Variants in RHBDF2 observed in about 807,000 individuals in gnomAD.
RHBDF2 encodes the protein rhomboid 5 homolog 2.
In RHBDF2, 38 loss-of-function variants were observed where a neutral mutation model predicts 95.2. The ratio of observed to expected loss-of-function variants is 0.40; its 90% CI spans 0.31 to 0.52. The LOEUF (loss-of-function observed/expected upper bound fraction) is 0.52, where lower values mean the gene tolerates loss of function less well. RHBDF2 is among the 20% of genes least tolerant of loss of function. RHBDF2 has a pLI of 0.56. For missense variants in RHBDF2, 863 were observed against 1,137.7 expected (o/e 0.76, Z 3.47); for synonymous variants, 442 against 462.0 (o/e 0.96, Z 0.55).
chr17:76,474,001 C>A (rs371242236), intron 13 of RHBDF2, 32 bp downstream of exon 13: 1 of 1,602,354 alleles, frequency 6.2e-7, no homozygotes, highest in Non-Finnish European at 8.5e-7. Context: ...CTATGCCTGA[C>A]CCTGAGGCCC....
At chr17:76,489,126 G>A (rs60764842) in intron 1 of RHBDF2, among the ~76,000 whole-genome samples, 55,245 of 151,642 alleles carry the variant, frequency 0.36, 11,023 homozygotes, top group Middle Eastern at 0.49. Flanking sequence ...ACTCCGTCTC[G>A]AAACAAAACA....
At chr17:76,486,390 C>T (rs904040771) in intron 2 of RHBDF2, among the ~76,000 whole-genome samples, 2 of 152,094 alleles carry the variant, frequency 1.3e-5, no homozygotes, top group Non-Finnish European at 2.9e-5. Context: ...CAGGTGTGAG[C>T]CACTGTGCCC....
chr17:76,480,051 G>GTGTATATATATATATATATA (rs1363176782), intron 3 of RHBDF2, 197 bp from the exon 4 acceptor site: 5 of 39,884 alleles, frequency 1.3e-4, no homozygotes, highest in Admixed American at 4.7e-4. Context: ...GTTTGTATAT[G>GTGTATATATATATATATATA]TATATATATA....
At chr17:76,479,358 G>T in intron 4 of RHBDF2, 81 bp from the exon 5 acceptor site, 2 of 1,526,910 alleles carry the variant, frequency 1.3e-6, no homozygotes, top group Admixed American at 2.0e-5. Flanking sequence ...GTGATGGCAC[G>T]TGTGTGCCCG....
In RHBDF2 at chr17:76,479,757, G is replaced by T. The variant is rs536930030; in HGVS notation, c.248C>A (p.Ala83Asp). 2 of 1,611,514 alleles carry T rather than the reference G, an allele frequency of 1.2e-6. No individual in the cohort carries two copies. The highest frequency in any genetic ancestry group is 3.3e-5 in the Admixed American group (2 of 59,968). Residue 83 changes from alanine (A) to aspartate (D), a missense_variant, in exon 4 of 19, where the codon GCC becomes GAC. Physicochemically the swap from Ala to Asp is moderately radical, Grantham distance 126 (BLOSUM62 -2). Around this residue, in one of 2 missense-constraint regions of RHBDF2, gnomAD observed 611 missense variants for 725.5 expected, o/e 0.84. Transcript: ENST00000675367. ...SEKRPGFRRQ[A>D]SLSQSIRKGA... ...CTTGCGGATGCTCTGGGACAGTGAG[G>T]CCTGGCGGCGGAAGCCAGGGCGCTT...
intron 2 of RHBDF2, among the ~76,000 whole-genome samples, chr17:76,482,738 A>G (rs6501898): frequency 0.94 from 142,399 of 151,928 alleles, 67,464 homozygotes; most frequent in East Asian, 1. Context: ...ATGCCACTGC[A>G]CTCCAGCCTG....
chr17:76,474,713 C>T lies in RHBDF2; in HGVS notation c.1302+17G>A. On this transcript the variant is annotated intron_variant, in intron 11 of 18. Transcript: ENST00000675367. ...GGACTCCTGGCTCAGATGATGTCCC[C>T]CAGCCTGGGCCCTCACCGAGCTGGG... 1 of 1,614,182 alleles carries T rather than the reference C, an allele frequency of 6.2e-7. No individual in the cohort carries two copies. Among genetic ancestry groups the T allele is most frequent in the Non-Finnish European group, 8.5e-7 (1 of 1,180,018 alleles).
At chr17:76,472,330 G>A (rs1034455744) in intron 18 of RHBDF2, among the ~76,000 whole-genome samples, 4 of 152,248 alleles carry the variant, frequency 2.6e-5, no homozygotes, top group Non-Finnish European at 5.9e-5. Context: ...ACGGTGGGGA[G>A]AGGACGGACA....
intron 1 of RHBDF2, among the ~76,000 whole-genome samples, chr17:76,489,939 A>G (rs2144357262): frequency 6.6e-6 from 1 of 152,244 alleles, no homozygotes; most frequent in Middle Eastern, 3.4e-3. Context: ...CTCTTGCCCT[A>G]AGACTGGGGC....
At chr17:76,479,415 G>A (rs191368095) in intron 4 of RHBDF2, 138 bp from the exon 5 acceptor site, 10 of 1,266,340 alleles carry the variant, frequency 7.9e-6, no homozygotes, top group Middle Eastern at 1.8e-4. Flanking sequence ...GAGGCCCCTG[G>A]CTGGAGCCCA....
At chr17:76,485,631 T>C (rs1406588783) in intron 2 of RHBDF2, among the ~76,000 whole-genome samples, 1 of 152,036 alleles carries the variant, frequency 6.6e-6, no homozygotes, top group Non-Finnish European at 1.5e-5. Context: ...CTTCACACAC[T>C]GAAGCACTGT....
chr17:76,474,229 C>T, intron 12 of RHBDF2, 87 bp from the exon 13 acceptor site: 1 of 1,340,550 alleles, frequency 7.5e-7, no homozygotes, highest in East Asian at 2.3e-5. Flanking sequence ...TTCCCATCTC[C>T]CCAGGGCTCA....
intron 2 of RHBDF2, among the ~76,000 whole-genome samples, chr17:76,486,077 T>TACACACACACACACACAC (rs57942849): frequency 6.9e-6 from 1 of 144,774 alleles, no homozygotes; most frequent in African/African-American, 2.6e-5. Context: ...TATATATATG[T>TACACACACACACACACAC]ACACACACAC....
At chr17:76,473,505 C>T (rs894066842) in intron 15 of RHBDF2, 143 bp downstream of exon 15, 2 of 953,166 alleles carry the variant, frequency 2.1e-6, no homozygotes, top group Non-Finnish European at 3.2e-6. Context: ...TGGGTAGCCC[C>T]AGAGCAGGGG....
intron 9 of RHBDF2, 167 bp downstream of exon 9, chr17:76,476,663 T>C (rs2073780872): frequency 9.5e-7 from 1 of 1,049,348 alleles, no homozygotes; most frequent in African/African-American, 1.6e-5. Context: ...CCAGGTCATG[T>C]GCACAACCCT....
At chr17:76,473,444 C>T (rs1598651208) in intron 15 of RHBDF2, 117 bp from the exon 16 acceptor site, 2 of 1,044,202 alleles carry the variant, frequency 1.9e-6, no homozygotes, top group Non-Finnish European at 1.4e-6. Flanking sequence ...GGGGATGCCG[C>T]ATCCAGAACC....
intron 2 of RHBDF2, among the ~76,000 whole-genome samples, chr17:76,483,424 T>G (rs914677143): frequency 3.9e-5 from 6 of 152,152 alleles, no homozygotes; most frequent in African/African-American, 1.4e-4. Context: ...AAGCTCGGAT[T>G]ACGGGCATGC....
At chr17:76,481,110 C>G (rs1021639680) in intron 3 of RHBDF2, among the ~76,000 whole-genome samples, 1 of 152,202 alleles carries the variant, frequency 6.6e-6, no homozygotes, top group Non-Finnish European at 1.5e-5. Flanking sequence ...AGCCAGGGCC[C>G]CAGGGTTACC....
intron 1 of RHBDF2, among the ~76,000 whole-genome samples, chr17:76,490,821 A>G (rs891646869): frequency 6.6e-6 from 1 of 152,158 alleles, no homozygotes; most frequent in East Asian, 1.9e-4. Context: ...CTGCCTGGCC[A>G]AGCCCTACTA....
Sources: allele counts gnomAD v4.1 joint callset (sites outside exome capture counted in the v4.1 genomes callset), GRCh38; gene constraint gnomAD v4.1.1; regional missense constraint gnomAD v4.1.1; transcripts MANE v1.5; gene names NCBI Gene and HGNC (gene_info 2026-07-23, HGNC 2026-07-21).